EIF4ENIF1: variants seen among roughly 807,000 people sequenced by gnomAD.
The protein encoded by EIF4ENIF1 is eukaryotic translation initiation factor 4E transporter.
Under a neutral mutation model 110.5 loss-of-function variants are expected in EIF4ENIF1, and 23 were observed. The observed-to-expected ratio is 0.21, with a 90% CI of 0.15 to 0.29. EIF4ENIF1 has a LOEUF of 0.29. EIF4ENIF1 is among the 10% of genes least tolerant of loss of function. EIF4ENIF1 has a pLI of 1.00. For synonymous variants in EIF4ENIF1, 440 were observed against 437.0 expected (o/e 1.01, Z -0.09); for missense variants, 1,031 against 1,221.1 (o/e 0.84, Z 2.32).
At chr22:31,450,841 T>TAACACACACACACAC in intron 10 of EIF4ENIF1, 1 of 80,286 alleles carries the variant, frequency 1.2e-5, no homozygotes, top group South Asian at 2.6e-4. Context: ...CATATATATA[T>TAACACACACACACAC]ACTACACACA....
intron 10 of EIF4ENIF1, chr22:31,450,793 CATAT>C (rs1340886923): frequency 2.8e-5 from 6 of 216,696 alleles, no homozygotes; most frequent in Non-Finnish European, 5.6e-5. Flanking sequence ...CACATATACA[CATAT>C]ACATACACAT....
intron 16 of EIF4ENIF1, among the ~76,000 whole-genome samples, chr22:31,442,549 A>G (rs2050335142): frequency 6.6e-6 from 1 of 152,084 alleles, no homozygotes; most frequent in Non-Finnish European, 1.5e-5. Context: ...CACAATCCCT[A>G]CTGTGCAACT....
At chr22:31,486,799 G>A (rs8142121) in intron 2 of EIF4ENIF1, among the ~76,000 whole-genome samples, 33,146 of 151,964 alleles carry the variant, frequency 0.22, 4,623 homozygotes, top group East Asian at 0.44. Flanking sequence ...GTACTGGAAC[G>A]GCTGGGCGCA....
chr22:31,440,919 G>A, intron 17 of EIF4ENIF1, 51 bp from the exon 18 acceptor site: 3 of 1,603,350 alleles, frequency 1.9e-6, no homozygotes, highest in South Asian at 1.1e-5. Flanking sequence ...TTACCTGGAA[G>A]TTTTCCAGCT....
At chr22:31,438,957 T>A (rs2050214956), downstream of EIF4ENIF1, among the ~76,000 whole-genome samples, 2 of 152,138 alleles carry the variant, frequency 1.3e-5, no homozygotes. Flanking sequence ...CTTGACCTTG[T>A]GATTCGCCTG....
In EIF4ENIF1 at chr22:31,468,311, C is replaced by A. The variant is rs753479430; in HGVS notation, c.171-9G>T. The A allele has an allele frequency of 6.8e-6, 11 of 1,613,916 alleles. No individual in the cohort carries two copies. The highest frequency in any genetic ancestry group is 2.2e-5 in the East Asian group (1 of 44,898). ...GGTCCCAGACACCATCACTACAGGT[C>A]AAAAAATACAACTGTTAGCACTTAC... On this transcript the variant is annotated splice_polypyrimidine_tract_variant and intron_variant, in intron 3 of 18. Transcript: ENST00000330125.
At chr22:31,476,565 G>T (rs2051579504) in intron 2 of EIF4ENIF1, among the ~76,000 whole-genome samples, 2 of 152,180 alleles carry the variant, frequency 1.3e-5, no homozygotes, top group African/African-American at 2.4e-5. Context: ...ATCCTGGATA[G>T]AATCCTTGAA....
chr22:31,477,388 A>G (rs1194456780), intron 2 of EIF4ENIF1, among the ~76,000 whole-genome samples: 30 of 141,894 alleles, frequency 2.1e-4, no homozygotes, highest in South Asian at 6.9e-4. Flanking sequence ...AAAAAACAAA[A>G]AAAGAGAATT....
At chr22:31,448,030 T>C in intron 13 of EIF4ENIF1, 123 bp downstream of exon 13, 3 of 1,060,414 alleles carry the variant, frequency 2.8e-6, no homozygotes, top group Non-Finnish European at 4.3e-6. Context: ...ATTACGGGCA[T>C]GAGCCACTAT....
In EIF4ENIF1 at chr22:31,486,442, C is replaced by T. The variant is rs537529031; in HGVS notation, c.96+2181G>A. ...TTGCACCACTACACTCCAGCCTGGGCGACACAGTGAGACTCCGGCTCAAAA... is the reference window on the plus strand; with the variant it reads ...TTGCACCACTACACTCCAGCCTGGGTGACACAGTGAGACTCCGGCTCAAAA... On this transcript the variant is annotated intron_variant, in intron 2 of 18. Transcript: ENST00000330125. 1.3e-3 allele frequency among the ~76,000 whole-genome samples: 190 copies of T among 151,190 alleles called. 1 individual carries two copies. The highest frequency in any genetic ancestry group is 2.7e-3 in the Admixed American group (41 of 15,194).
chr22:31,446,715 A>T (rs1003148489), intron 14 of EIF4ENIF1, among the ~76,000 whole-genome samples: 4 of 152,344 alleles, frequency 2.6e-5, no homozygotes, highest in South Asian at 4.1e-4. Context: ...CACAGGGCAC[A>T]TGGAGGCCCT....
At chr22:31,470,018 G>A (rs1049767901) in intron 3 of EIF4ENIF1, among the ~76,000 whole-genome samples, 7 of 151,860 alleles carry the variant, frequency 4.6e-5, no homozygotes, top group African/African-American at 1.7e-4. Flanking sequence ...ATAAAAATTA[G>A]CCAGGTGTGG....
At chr22:31,466,750 G>A (rs1418524115) in intron 4 of EIF4ENIF1, among the ~76,000 whole-genome samples, 1 of 152,062 alleles carries the variant, frequency 6.6e-6, no homozygotes, top group Non-Finnish European at 1.5e-5. Context: ...ATATACACAT[G>A]TCAAGACATC....
intron 2 of EIF4ENIF1, among the ~76,000 whole-genome samples, chr22:31,481,328 ATTTT>A (rs35792669): frequency 5.4e-5 from 8 of 147,630 alleles, no homozygotes; most frequent in African/African-American, 1.7e-4. Flanking sequence ...ACCTCTGGCA[ATTTT>A]TTTTTTTTTT....
At chr22:31,450,843 C>CACACACA (rs1569073447) in intron 10 of EIF4ENIF1, 89 of 96,922 alleles carry the variant, frequency 9.2e-4, no homozygotes, top group African/African-American at 1.7e-3. Flanking sequence ...TATATATATA[C>CACACACA]TACACACACA....
At chr22:31,439,041 C>T (rs1434850944), downstream of EIF4ENIF1, among the ~76,000 whole-genome samples, 1 of 152,158 alleles carries the variant, frequency 6.6e-6, no homozygotes, top group Non-Finnish European at 1.5e-5. Flanking sequence ...TCAAGAAAAA[C>T]TTAACTTACT....
At chr22:31,459,438 C>T (rs929523039) in intron 6 of EIF4ENIF1, among the ~76,000 whole-genome samples, 1 of 152,178 alleles carries the variant, frequency 6.6e-6, no homozygotes, top group African/African-American at 2.4e-5. Context: ...GTTGTTGTAG[C>T]TCATCCTTCA....
At position 31,463,123 on chromosome 22, in the gene EIF4ENIF1, C is replaced by G; in HGVS notation, c.596G>C (p.Gly199Ala). 1 of 1,613,518 alleles carries G rather than the reference C, an allele frequency of 6.2e-7. No homozygotes were observed. Among genetic ancestry groups the G allele is most frequent in the Non-Finnish European group, 8.5e-7 (1 of 1,179,908 alleles). ...CTCACCAAAGACACGCTTACTATCT[C>G]CAAACTCTCTCTGGAAAAGTACATA... Reference protein sequence around the residue: ...FKDKRFRREFGDSKRVFGERR... With the variant: ...FKDKRFRREFADSKRVFGERR... Residue 199 changes from glycine (G) to alanine (A), a missense_variant, in exon 6 of 19, where the codon GGA (glycine) becomes GCA (alanine). Around this residue, in one of 3 missense-constraint regions of EIF4ENIF1, gnomAD observed 704 missense variants for 879.7 expected, o/e 0.80. Coordinates refer to ENST00000330125, the MANE Select transcript of EIF4ENIF1 (RefSeq NM_019843.4).
At chr22:31,459,766 T>TTATC in intron 6 of EIF4ENIF1, among the ~76,000 whole-genome samples, 1 of 152,250 alleles carries the variant, frequency 6.6e-6, no homozygotes, top group Non-Finnish European at 1.5e-5. Flanking sequence ...TTTTATTTAT[T>TTATC]TTAAATACAT....
Sources: gnomAD v4.1 joint callset for allele counts (sites outside exome capture counted in the v4.1 genomes callset) on GRCh38, gnomAD v4.1.1 for gene constraint, gnomAD v4.1.1 regional missense constraint, MANE v1.5 for transcripts, NCBI Gene and HGNC (gene_info 2026-07-23, HGNC 2026-07-21) for gene names.